Variants in TTF2 observed in about 807,000 individuals in gnomAD.
TTF2 encodes transcription termination factor 2.
TTF2 carries 108 observed loss-of-function variants against 142.4 expected under a neutral mutation model. The observed-to-expected ratio is 0.76, with a 90% CI of 0.65 to 0.89. The LOEUF (loss-of-function observed/expected upper bound fraction) is 0.89, where lower values mean the gene tolerates loss of function less well. TTF2 is among the 40% of genes least tolerant of loss of function. The pLI, the probability that TTF2 is intolerant of heterozygous loss-of-function variation, is 0.00. For missense variants in TTF2, 1,327 were observed against 1,379.8 expected, an observed-to-expected ratio of 0.96 and a Z score of 0.61; for synonymous variants, 483 against 506.2, an observed-to-expected ratio of 0.95 and a Z score of 0.61.
chr1:117,090,383 C>T lies in TTF2; in HGVS notation c.2497-149C>T. 9.1e-7 allele frequency: 1 copy of T among 1,103,894 alleles called. No homozygotes were observed. The highest frequency in any genetic ancestry group is 1.3e-6 in the Non-Finnish European group (1 of 765,904). 68.4% of individuals were successfully genotyped at this position (1,103,894 alleles called of 1,614,324 possible). On this transcript the variant is annotated intron_variant, in intron 14 of 22. Transcript: ENST00000369466. The surrounding 1 kb of genome is among the most constrained non-coding windows in gnomAD (Gnocchi z 4.8). The stretch of plus-strand genomic sequence containing the variant: ...CTAGTGTCATAGCAATCCAGTTGTA[C>T]TGTATGTTGGAGCAGTCCTGTGTCT...
intron 3 of TTF2, among the ~76,000 whole-genome samples, chr1:117,068,301 A>G (rs1369312593): frequency 1.3e-5 from 2 of 152,096 alleles, no homozygotes; most frequent in Non-Finnish European, 2.9e-5. Flanking sequence ...AGGACAGAAA[A>G]CCAAACACCG....
At position 117,103,172 on chromosome 1, in the gene TTF2, G is replaced by T. The variant is rs759307817; in HGVS notation, c.*1648G>T. On this transcript the variant is annotated 3_prime_UTR_variant, in exon 23 of 23. Coordinates refer to ENST00000369466, the MANE Select transcript of TTF2 (RefSeq NM_003594.4). ...TTTTTGGCCATCAGCCCTTCTATTA[G>T]ACTAGTGAAGCCTCAGTCCCAGGAT... 3 of 152,176 alleles carry T rather than the reference G, an allele frequency of 2.0e-5. No individual in the cohort carries two copies. The highest frequency in any genetic ancestry group is 2.9e-5 in the Non-Finnish European group (2 of 68,048). The allele number at this position is 152,176 out of a possible 1,614,324, so 9.4% of individuals were successfully genotyped here.
chr1:117,091,234 C>CTAT, intron 15 of TTF2, 94 bp from the exon 16 acceptor site: 3 of 990,434 alleles, frequency 3.0e-6, no homozygotes, highest in Admixed American at 2.6e-5. Flanking sequence ...TTTAACAAGT[C>CTAT]TTCTATAATT....
At chr1:117,062,497 A>C (rs1416424302) in intron 3 of TTF2, 24 bp downstream of exon 3, 28 of 1,576,444 alleles carry the variant, frequency 1.8e-5, no homozygotes, top group Non-Finnish European at 2.4e-5. Flanking sequence ...AGGAACATCT[A>C]AGTGTATTTG....
In TTF2 at chr1:117,106,274, A is replaced by G. The variant is rs1429812000; in HGVS notation, c.*4750A>G. On this transcript the variant is annotated 3_prime_UTR_variant, in exon 23 of 23. Transcript: ENST00000369466. ...TAGTTAGGGGATGGAGATAGATATG[A>G]AAAAAAAAAAAAGCAAACCCAGCCT... The G allele has an allele frequency of 1.8e-5, 1 of 54,992 alleles. No homozygotes were observed. The highest frequency in any genetic ancestry group is 4.2e-5 in the Non-Finnish European group (1 of 23,824). The allele number at this position is 54,992 out of a possible 1,614,324, so 3.4% of individuals were successfully genotyped here.
chr1:117,101,797 G>T lies in TTF2; in HGVS notation c.*273G>T. On this transcript the variant is annotated 3_prime_UTR_variant, in exon 23 of 23. Transcript: ENST00000369466. The surrounding 1 kb of genome is among the most constrained non-coding windows in gnomAD (Gnocchi z 5.9). Reference sequence around the variant, plus strand: ...AGATAAAAGAATATGTTTTAGAGTTGGATGATTTTGGAAAACAACTCTGGC... The same window carrying T: ...AGATAAAAGAATATGTTTTAGAGTTTGATGATTTTGGAAAACAACTCTGGC... 1 of 271,896 alleles carries T rather than the reference G, an allele frequency of 3.7e-6. No individual in the cohort carries two copies. The highest frequency in any genetic ancestry group is 6.8e-6 in the Non-Finnish European group (1 of 147,704). 16.8% of individuals were successfully genotyped at this position (271,896 alleles called of 1,614,324 possible). A position where few individuals can be genotyped will look rare whatever the true frequency, so the allele number is the denominator to read the frequency against.
chr1:117,067,271 C>G (rs922250264), intron 3 of TTF2, among the ~76,000 whole-genome samples: 1 of 152,152 alleles, frequency 6.6e-6, no homozygotes, highest in Non-Finnish European at 1.5e-5. Context: ...GTGGTTCACA[C>G]CTGTAATCTC....
chr1:117,081,432 A>G (rs1483458012), intron 9 of TTF2, among the ~76,000 whole-genome samples: 3 of 152,222 alleles, frequency 2.0e-5, no homozygotes, highest in African/African-American at 7.2e-5. Flanking sequence ...AACTCCAGGA[A>G]TGTTCTGGTA....
chr1:117,065,242 T>C (rs915520979), intron 3 of TTF2, among the ~76,000 whole-genome samples: 40 of 152,220 alleles, frequency 2.6e-4, no homozygotes, highest in African/African-American at 9.6e-4. Flanking sequence ...TTGCATTGAA[T>C]CTATATAGAT....
chr1:117,082,672 T>G (rs564843687), intron 10 of TTF2, among the ~76,000 whole-genome samples: 2 of 152,326 alleles, frequency 1.3e-5, no homozygotes, highest in South Asian at 4.1e-4. Flanking sequence ...TTATAGACAC[T>G]TTCTATCTTA....
intron 10 of TTF2, chr1:117,082,202 A>C: frequency 2.2e-6 from 1 of 454,992 alleles, no homozygotes; most frequent in African/African-American, 2.0e-5. Flanking sequence ...AGAACACTTA[A>C]TTTAAGCATA....
rs1003489448 is a variant in TTF2, at chr1:117,090,261, T to C, written c.2496+53T>C. 39 of 1,584,294 alleles carry C rather than the reference T, an allele frequency of 2.5e-5. No individual in the cohort carries two copies. The African/African-American group carries it at 5.1e-4, about 21-fold the overall frequency. ...GGAGGCCAGGGAAGGAACATGACTG[T>C]GTCCTTGTCTTGGGTTGAACAGCCA... On this transcript the variant is annotated intron_variant, in intron 14 of 22. Coordinates refer to ENST00000369466, the MANE Select transcript of TTF2 (RefSeq NM_003594.4). This position sits in a 1 kb window ranked among gnomAD's most constrained non-coding sequence, Gnocchi z 4.8.
At chr1:117,074,707 CTA>C (rs1557807995) in intron 4 of TTF2, among the ~76,000 whole-genome samples, 161 bp from the exon 5 acceptor site, 1 of 144,556 alleles carries the variant, frequency 6.9e-6, no homozygotes, top group Non-Finnish European at 1.5e-5. Context: ...AAGAAACTAT[CTA>C]TTGGGCACTA....
Position 117,075,034 on chromosome 1 carries a change from G to C in TTF2, c.450G>C (p.Lys150Asn). ...QLIKGEGEEK[K>N]ADKKQREKGD... ...TCAAAGGTGAAGGTGAGGAAAAGAAGGCTGATAAGAAGCAAAGAGAAAAGG... is the reference window on the plus strand; with the variant it reads ...TCAAAGGTGAAGGTGAGGAAAAGAACGCTGATAAGAAGCAAAGAGAAAAGG... Residue 150 changes from lysine (K) to asparagine (N), a missense_variant, in exon 5 of 23, where the codon AAG (lysine) becomes AAC (asparagine). By Grantham distance (94) the Lys-to-Asn change is moderately conservative. Transcript: ENST00000369466. The surrounding 1 kb of genome is among the most constrained non-coding windows in gnomAD (Gnocchi z 4.5). 6.2e-7 allele frequency: 1 copy of C among 1,613,924 alleles called. No homozygotes were observed. Among genetic ancestry groups the C allele is most frequent in the Non-Finnish European group, 8.5e-7 (1 of 1,180,000 alleles).
At position 117,086,464 on chromosome 1, in the gene TTF2, A is replaced by G. The variant is rs1298668579; in HGVS notation, c.2102A>G (p.Lys701Arg). ...ATCACTACCTATAGCCTCGTGGCCA[A>G]GGAGATTCCCACAAACAAGCAAGAG... ...IVITTYSLVA[K>R]EIPTNKQEAE... The change falls in exon 12 of 23, where the codon AAG becomes AGG. Residue 701 changes from lysine to arginine, a missense_variant. Physicochemically the swap from Lys to Arg is conservative, Grantham distance 26. Coordinates refer to ENST00000369466, the MANE Select transcript of TTF2 (RefSeq NM_003594.4). The surrounding 1 kb of genome is among the most constrained non-coding windows in gnomAD (Gnocchi z 4.2). 3.1e-6 allele frequency: 5 copies of G among 1,614,034 alleles called. No homozygotes were observed. In the Admixed American group the frequency reaches 6.7e-5, roughly 22 times the overall value.
In TTF2 at chr1:117,098,688, T is replaced by C. The variant is rs1288208946; in HGVS notation, c.3270-145T>C. The C allele has an allele frequency of 1.0e-5, 7 of 677,346 alleles. No homozygotes were observed. In the Admixed American group the frequency reaches 1.1e-4, roughly 10 times the overall value. The allele number at this position is 677,346 out of a possible 1,614,324, so 42.0% of individuals were successfully genotyped here. ...ATGTGTGTGTTTTGTTTTGCTTTGC[T>C]TTCTTTTCTTAAATCCCTTTAAAAC... On this transcript the variant is annotated intron_variant, in intron 21 of 22. Transcript: ENST00000369466.
intron 18 of TTF2, among the ~76,000 whole-genome samples, chr1:117,094,454 A>G (rs1244419037): frequency 1.3e-5 from 2 of 152,092 alleles, no homozygotes; most frequent in Admixed American, 6.5e-5. Flanking sequence ...CTCCAAAGTC[A>G]TGCCCCACGT....
chr1:117,076,761 G>C lies in TTF2; in HGVS notation c.1511G>C (p.Gly504Ala). 2 of 1,614,138 alleles carry C rather than the reference G, an allele frequency of 1.2e-6. No individual in the cohort carries two copies. Among genetic ancestry groups the C allele is most frequent in the Non-Finnish European group, 1.7e-6 (2 of 1,180,018 alleles). ...CCTCGTCGTGGTACCCAACCTGTGG[G>C]TTCTCTAGAACTAAAGTCTGCCTGC... ...PLPRRGTQPV[G>A]SLELKSACQV... Residue 504 changes from glycine (G) to alanine (A), a missense_variant, in exon 7 of 23, where the codon GGT (glycine) becomes GCT (alanine). Physicochemically the swap from Gly to Ala is moderately conservative, Grantham distance 60 (BLOSUM62 0). Transcript: ENST00000369466. This position sits in a 1 kb window ranked among gnomAD's most constrained non-coding sequence, Gnocchi z 4.6.
At position 117,075,947 on chromosome 1, in the gene TTF2, A is replaced by G. The variant is rs1656974061; in HGVS notation, c.1275+88A>G. On this transcript the variant is annotated intron_variant, in intron 5 of 22. Coordinates refer to ENST00000369466, the MANE Select transcript of TTF2 (RefSeq NM_003594.4). The surrounding 1 kb of genome is among the most constrained non-coding windows in gnomAD (Gnocchi z 4.5). The stretch of plus-strand genomic sequence containing the variant: ...GATCTCATTGCTACAGAAGGGTTAA[A>G]TATGTTCATGTGAAGGTTTTATAGG... 2.0e-6 allele frequency: 3 copies of G among 1,498,442 alleles called. No homozygotes were observed. Among genetic ancestry groups the G allele is most frequent in the Non-Finnish European group, 2.7e-6 (3 of 1,128,046 alleles). The allele number at this position is 1,498,442 out of a possible 1,614,324, so 92.8% of individuals were successfully genotyped here.
Sources: gnomAD v4.1 joint callset for allele counts (sites outside exome capture counted in the v4.1 genomes callset) on GRCh38, gnomAD v4.1.1 for gene constraint, Gnocchi (gnomAD v3.1) non-coding constraint, MANE v1.5 for transcripts, NCBI Gene and HGNC (gene_info 2026-07-23, HGNC 2026-07-21) for gene names.